Variants in XYLB observed in about 807,000 individuals in gnomAD.
The protein encoded by XYLB is xylulokinase.
A neutral mutation model predicts 78.7 loss-of-function variants in XYLB; 62 were observed. The ratio of observed to expected loss-of-function variants is 0.79; its 90% CI spans 0.64 to 0.97. XYLB has a LOEUF of 0.97. Ranked by LOEUF, XYLB falls within the 50% of genes least tolerant of loss-of-function variation. The probability of loss-of-function intolerance (pLI) is 0.00; values close to 1 mark genes in which losing one functional copy is unlikely to be tolerated. For missense variants in XYLB, 687 were observed against 676.8 expected (o/e 1.02, Z -0.17); for synonymous variants, 245 against 247.4 (o/e 0.99, Z 0.09).
intron 18 of XYLB, among the ~76,000 whole-genome samples, chr3:38,411,764 C>A (rs1355077396): frequency 5.3e-5 from 8 of 151,916 alleles, no homozygotes; most frequent in African/African-American, 1.9e-4. Flanking sequence ...TACTAGGCAA[C>A]ATTGCTTATG....
intron 5 of XYLB, 57 bp downstream of exon 5, chr3:38,365,342 T>C (rs1207384404): frequency 2.5e-6 from 4 of 1,571,604 alleles, no homozygotes; most frequent in Non-Finnish European, 3.5e-6. Context: ...CCAAGTCCTG[T>C]GGGTCCTGAA....
At chr3:38,445,122 C>T in the XYLB span, among the ~76,000 whole-genome samples, 1 of 152,150 alleles carries the variant, frequency 6.6e-6, no homozygotes, top group East Asian at 1.9e-4. Context: ...AGATGATATT[C>T]CCCAAAAATG....
the XYLB span, among the ~76,000 whole-genome samples, chr3:38,435,590 T>A: frequency 6.6e-6 from 1 of 152,190 alleles, no homozygotes; most frequent in Non-Finnish European, 1.5e-5. Context: ...TCAGACCAAA[T>A]GAACCTTACA....
intron 10 of XYLB, among the ~76,000 whole-genome samples, chr3:38,374,100 C>G (rs933736038): frequency 6.6e-6 from 1 of 152,108 alleles, no homozygotes; most frequent in Admixed American, 6.5e-5. Context: ...AACCTCACCC[C>G]CTTCTTTTCC....
At chr3:38,349,734 G>A (rs575458289) in intron 2 of XYLB, among the ~76,000 whole-genome samples, 15 of 152,274 alleles carry the variant, frequency 9.9e-5, no homozygotes, top group African/African-American at 2.2e-4. Flanking sequence ...ACATCTGGCC[G>A]TTAGGAGTCT....
At chr3:38,402,213 G>C (rs1427766616) in intron 18 of XYLB, among the ~76,000 whole-genome samples, 3 of 152,132 alleles carry the variant, frequency 2.0e-5, no homozygotes, top group Non-Finnish European at 4.4e-5. Context: ...GAGCAAACCT[G>C]TCTAAACTTT....
At position 38,400,856 on chromosome 3, in the gene XYLB, A is replaced by G. The variant is rs1190411120; in HGVS notation, c.1439-35A>G. On this transcript the variant is annotated intron_variant, in intron 17 of 18. Transcript: ENST00000207870. Reference sequence around the variant, plus strand: ...TTTTTGGTTAACGTCTTCACTTGCAACATGCACTAATGTGAAGTGACCTTT... The same window carrying G: ...TTTTTGGTTAACGTCTTCACTTGCAGCATGCACTAATGTGAAGTGACCTTT... 1.9e-6 allele frequency: 3 copies of G among 1,582,062 alleles called. No individual in the cohort carries two copies. In the African/African-American group the frequency reaches 4.0e-5, roughly 21 times the overall value.
chr3:38,378,549 A>C (rs1452593941), intron 14 of XYLB, among the ~76,000 whole-genome samples: 1 of 152,118 alleles, frequency 6.6e-6, no homozygotes, highest in African/African-American at 2.4e-5. Context: ...CGTCTCTGAG[A>C]AGGTGGCCTT....
chr3:38,420,094 C>A lies in XYLB; in HGVS notation c.*37C>A, dbSNP rs550954282. Among the ~76,000 whole-genome samples the A allele has an allele frequency of 5.9e-5, 9 of 152,290 alleles. No individual in the cohort carries two copies. The South Asian group carries it at 1.9e-3, about 32-fold the overall frequency. Reference sequence around the variant, plus strand: ...CAGCCTCCCAAAGTGCTGGAATTAACAGGCGTGAGCCACCACGCCCAGCCA... The same window carrying A: ...CAGCCTCCCAAAGTGCTGGAATTAAAAGGCGTGAGCCACCACGCCCAGCCA... On this transcript the variant is annotated 3_prime_UTR_variant, in exon 18 of 18. Coordinates refer to the XYLB transcript ENST00000650590.
chr3:38,389,631 A>G (rs1264179803), intron 15 of XYLB, among the ~76,000 whole-genome samples: 2 of 151,428 alleles, frequency 1.3e-5, no homozygotes, highest in South Asian at 2.1e-4. Flanking sequence ...TTTTTTGTTT[A>G]ATCAGGGGTT....
the XYLB span, among the ~76,000 whole-genome samples, chr3:38,443,374 T>C: frequency 2.0e-5 from 3 of 152,266 alleles, no homozygotes; most frequent in South Asian, 2.1e-4. Context: ...TGCCTTCCAG[T>C]GATTGCCTCG....
At chr3:38,449,029 G>A in the XYLB span, among the ~76,000 whole-genome samples, 42 of 152,116 alleles carry the variant, frequency 2.8e-4, no homozygotes, top group East Asian at 3.9e-4. Context: ...CCTGTCACCT[G>A]GTTTTTCAGT....
intron 17 of XYLB, among the ~76,000 whole-genome samples, chr3:38,397,553 C>A (rs1707927515): frequency 6.6e-6 from 1 of 152,156 alleles, no homozygotes. Flanking sequence ...GGGAAGGCTT[C>A]AGGCCCAAGC....
the XYLB span, among the ~76,000 whole-genome samples, chr3:38,442,868 C>A: frequency 1.3e-5 from 2 of 151,858 alleles, no homozygotes; most frequent in South Asian, 2.1e-4. Context: ...TTGGATTGGG[C>A]GGGCATTTTT....
At chr3:38,365,520 C>T (rs915070811) in intron 5 of XYLB, 88 bp from the exon 6 acceptor site, 10 of 1,539,024 alleles carry the variant, frequency 6.5e-6, no homozygotes, top group South Asian at 2.5e-5. Flanking sequence ...TCATGACTGC[C>T]GTGATGGGCA....
At chr3:38,379,445 C>A in intron 15 of XYLB, 103 bp downstream of exon 15, 3 of 1,147,314 alleles carry the variant, frequency 2.6e-6, no homozygotes, top group Non-Finnish European at 3.8e-6. Context: ...AGTTTTCTTA[C>A]AGGGGGACTT....
intron 4 of XYLB, among the ~76,000 whole-genome samples, chr3:38,364,301 A>G (rs1388375403): frequency 6.6e-6 from 1 of 151,478 alleles, no homozygotes; most frequent in East Asian, 2.0e-4. Context: ...TCTCTTCTCC[A>G]GCGCTATCTG....
At chr3:38,376,766 G>T in intron 13 of XYLB, 152 bp from the exon 14 acceptor site, 2 of 619,960 alleles carry the variant, frequency 3.2e-6, no homozygotes, top group South Asian at 2.1e-5. Flanking sequence ...TGGAGAGAAG[G>T]AACTGAGAAT....
intron 18 of XYLB, among the ~76,000 whole-genome samples, chr3:38,407,917 T>A (rs1575540478): frequency 6.6e-6 from 1 of 151,738 alleles, no homozygotes; most frequent in East Asian, 1.9e-4. Flanking sequence ...AGACTTAGAC[T>A]CCCACACAAT....
Sources: allele counts gnomAD v4.1 joint callset (sites outside exome capture counted in the v4.1 genomes callset), GRCh38; gene constraint gnomAD v4.1.1; transcripts MANE v1.5; gene names NCBI Gene and HGNC (gene_info 2026-07-23, HGNC 2026-07-21).